The following GALNTL6 variants were observed in gnomAD, a reference collection of about 807,000 sequenced individuals.
GALNTL6 encodes the protein polypeptide N-acetylgalactosaminyltransferase-like 6.
A neutral mutation model predicts 73.7 loss-of-function variants in GALNTL6; 46 were observed. That is an observed-to-expected ratio of 0.62 (90% CI 0.49 to 0.80). GALNTL6 has a LOEUF of 0.80. Ranked by LOEUF, GALNTL6 falls within the 30% of genes least tolerant of loss-of-function variation. The pLI, the probability that GALNTL6 is intolerant of heterozygous loss-of-function variation, is 0.00. For synonymous variants in GALNTL6, 259 were observed against 263.7 expected, an observed-to-expected ratio of 0.98 and a Z score of 0.17; for missense variants, 604 against 755.0, an observed-to-expected ratio of 0.80 and a Z score of 2.34.
chr4:172,934,795 G>A (rs957410659), intron 9 of GALNTL6, among the ~76,000 whole-genome samples: 1 of 152,208 alleles, frequency 6.6e-6, no homozygotes. Flanking sequence ...CAGCTCCTCA[G>A]CAAAGGTCCA....
At chr4:172,116,002 A>G (rs1732974309) in intron 2 of GALNTL6, among the ~76,000 whole-genome samples, 1 of 152,084 alleles carries the variant, frequency 6.6e-6, no homozygotes, top group African/African-American at 2.4e-5. Context: ...TATTAATTAA[A>G]AAAATGAGTT....
rs998769395 is a variant in GALNTL6 at position 173,041,086 on chromosome 4, G to A, written c.*986G>A. ...AAACCCAAATAAATCTACACTCCAA[G>A]TGATATGTGAAAATGGCTTAGTTCA... On this transcript the variant is annotated 3_prime_UTR_variant, in exon 13 of 13. Transcript: ENST00000506823. The A allele has an allele frequency of 6.6e-6, 1 of 152,150 alleles. No homozygotes were observed. Among genetic ancestry groups the A allele is most frequent in the African/African-American group, 2.4e-5 (1 of 41,430 alleles). 9.4% of individuals were successfully genotyped at this position (152,150 alleles called of 1,614,324 possible).
At chr4:172,528,711 T>C (rs1247362315) in intron 5 of GALNTL6, among the ~76,000 whole-genome samples, 2 of 150,936 alleles carry the variant, frequency 1.3e-5, no homozygotes, top group Non-Finnish European at 3.0e-5. Flanking sequence ...GTTTCTAGAA[T>C]TAGAAACACT....
intron 5 of GALNTL6, among the ~76,000 whole-genome samples, chr4:172,644,280 C>T (rs1278324248): frequency 6.6e-6 from 1 of 151,052 alleles, no homozygotes; most frequent in Non-Finnish European, 1.5e-5. Context: ...TATGAGTGAA[C>T]ACACACATAT....
At chr4:172,210,133 A>G (rs1246521958) in intron 2 of GALNTL6, among the ~76,000 whole-genome samples, 2 of 152,094 alleles carry the variant, frequency 1.3e-5, no homozygotes, top group Admixed American at 6.5e-5. Context: ...TAAAACTCCA[A>G]GATAATTTCT....
rs752166236 is a variant in GALNTL6 at position 171,999,268 on chromosome 4, T to G, written c.138+184550T>G. Among the ~76,000 whole-genome samples the G allele has an allele frequency of 2.9e-4, 44 of 152,296 alleles. 1 individual carries two copies. Among genetic ancestry groups the G allele is most frequent in the African/African-American group, 9.1e-4 (38 of 41,578 alleles). On this transcript the variant is annotated intron_variant, in intron 2 of 12. Transcript: ENST00000506823. The stretch of plus-strand genomic sequence containing the variant: ...GGACTAGATTTGAGGGCTAACACCA[T>G]AATGACCTCTACAATTGCCTATGAA...
chr4:171,915,182 A>G (rs1237354039), intron 2 of GALNTL6, among the ~76,000 whole-genome samples: 2 of 152,196 alleles, frequency 1.3e-5, no homozygotes, highest in Non-Finnish European at 2.9e-5. Context: ...AATTTATTGA[A>G]TGGCACAGCA....
At chr4:172,026,762 C>T (rs1579070847) in intron 2 of GALNTL6, among the ~76,000 whole-genome samples, 1 of 152,118 alleles carries the variant, frequency 6.6e-6, no homozygotes, top group East Asian at 1.9e-4. Context: ...TGTAACACTG[C>T]AATGTGTTGA....
rs575736765 is a variant in GALNTL6, at chr4:172,004,776, G to T, written c.138+190058G>T. On this transcript the variant is annotated intron_variant, in intron 2 of 12. Coordinates refer to ENST00000506823, the MANE Select transcript of GALNTL6 (RefSeq NM_001034845.3). ...GAAAATCAGATGCCCAATTACTGAA[G>T]CATTGTTAAAGCAGACTTTGTCTCC... is the stretch of plus-strand genomic sequence containing the variant. Among the ~76,000 whole-genome samples the T allele has an allele frequency of 1.6e-4, 17 of 109,138 alleles. No homozygotes were observed. The East Asian group carries it at 4.7e-3, about 30-fold the overall frequency. The allele number at this position is 109,138 out of a possible 152,430, so 71.6% of individuals were successfully genotyped here. A position where few individuals can be genotyped will look rare whatever the true frequency, so the allele number is the denominator to read the frequency against.
chr4:172,381,588 G>A (rs961695650), intron 5 of GALNTL6, among the ~76,000 whole-genome samples: 1 of 152,034 alleles, frequency 6.6e-6, no homozygotes, highest in African/African-American at 2.4e-5. Flanking sequence ...TCATTTTGTA[G>A]CATGTATCAA....
chr4:171,951,037 A>C (rs562302721), intron 2 of GALNTL6, among the ~76,000 whole-genome samples: 75 of 152,270 alleles, frequency 4.9e-4, no homozygotes, highest in African/African-American at 1.8e-3. Flanking sequence ...CAAGTGTATC[A>C]GTCTATTTAA....
intron 10 of GALNTL6, among the ~76,000 whole-genome samples, chr4:172,994,489 G>T (rs1049252607): frequency 6.6e-6 from 1 of 152,170 alleles, no homozygotes; most frequent in Non-Finnish European, 1.5e-5. Context: ...GGCTCACAGA[G>T]AAATATTTCA....
intron 2 of GALNTL6, among the ~76,000 whole-genome samples, chr4:171,877,668 A>C (rs575066046): frequency 1.3e-5 from 2 of 152,300 alleles, no homozygotes; most frequent in African/African-American, 4.8e-5. Context: ...CTAAGTCTTA[A>C]CTAAGTTTGG....
intron 2 of GALNTL6, among the ~76,000 whole-genome samples, chr4:171,836,712 G>A (rs554751945): frequency 6.6e-6 from 1 of 152,176 alleles, no homozygotes; most frequent in South Asian, 2.1e-4. Context: ...CTTCTTTCGT[G>A]ATTGTCACTG....
intron 7 of GALNTL6, among the ~76,000 whole-genome samples, chr4:172,814,496 A>G (rs2086293258): frequency 1.3e-5 from 2 of 152,198 alleles, no homozygotes; most frequent in African/African-American, 4.8e-5. Flanking sequence ...GGTATACTAT[A>G]TATCTATTCC....
intron 2 of GALNTL6, among the ~76,000 whole-genome samples, chr4:171,954,319 A>T (rs1283180328): frequency 6.6e-6 from 1 of 152,236 alleles, no homozygotes; most frequent in Non-Finnish European, 1.5e-5. Flanking sequence ...GAAGTTTCAA[A>T]AAAACATTTT....
In GALNTL6 at chr4:172,089,604, GA is replaced by G. The variant is rs200301336; in HGVS notation, c.139-140043del. On this transcript the variant is annotated intron_variant, in intron 2 of 12. Transcript: ENST00000506823. The stretch of plus-strand genomic sequence containing the variant: ...AGGATTAAGTCTAGGTAATTTAAAA[GA>G]AAAAAAAACTCAAAAGCAAATGAAT... Among the ~76,000 whole-genome samples, 11 of 150,962 alleles carry G rather than the reference GA, an allele frequency of 7.3e-5. No homozygotes were observed. The East Asian group carries it at 1.2e-3, about 16-fold the overall frequency.
At chr4:172,085,215 A>C (rs926264341) in intron 2 of GALNTL6, among the ~76,000 whole-genome samples, 1 of 152,152 alleles carries the variant, frequency 6.6e-6, no homozygotes, top group Non-Finnish European at 1.5e-5. Context: ...ATTTTGTTGA[A>C]GTTCCCTGAA....
rs191322347 is a variant in GALNTL6, at chr4:172,219,283, A to T, written c.139-10373A>T. 1.7e-3 allele frequency among the ~76,000 whole-genome samples: 247 copies of T among 148,588 alleles called. 1 individual carries two copies. In the East Asian group the frequency reaches 0.018, roughly 11 times the overall value. On this transcript the variant is annotated intron_variant, in intron 2 of 12. Transcript: ENST00000506823. ...TAACCGTTATTTTAAGTAATTTTTT[A>T]AAAAAATTATTCCTTGGCATCTATG...
Sources: gnomAD v4.1 joint callset for allele counts (sites outside exome capture counted in the v4.1 genomes callset) on GRCh38, gnomAD v4.1.1 for gene constraint, MANE v1.5 for transcripts, NCBI Gene and HGNC (gene_info 2026-07-23, HGNC 2026-07-21) for gene names.